The following GPR89A variants were observed in gnomAD, a reference collection of about 807,000 sequenced individuals.
GPR89A encodes G protein-coupled receptor 89A.
GPR89A carries 16 observed loss-of-function variants against 52.0 expected under a neutral mutation model. The ratio of observed to expected loss-of-function variants is 0.31; its 90% CI spans 0.21 to 0.47. GPR89A has a LOEUF of 0.47. Ranked by LOEUF, GPR89A falls within the 20% of genes least tolerant of loss-of-function variation. The probability of loss-of-function intolerance (pLI) is 1.00; values close to 1 mark genes in which losing one functional copy is unlikely to be tolerated. For missense variants in GPR89A, 135 were observed against 449.4 expected, an observed-to-expected ratio of 0.30 and a Z score of 6.33; for synonymous variants, 55 against 150.9, an observed-to-expected ratio of 0.36 and a Z score of 4.66.
intron 10 of GPR89A, among the ~76,000 whole-genome samples, chr1:145,655,231 G>A (rs1461757483): frequency 3.3e-5 from 5 of 152,074 alleles, no homozygotes; most frequent in Non-Finnish European, 2.9e-5. Flanking sequence ...TTTGCATTGG[G>A]TTAGAACATT....
At chr1:145,657,877 C>G (rs1353974600) in intron 10 of GPR89A, among the ~76,000 whole-genome samples, 1 of 149,918 alleles carries the variant, frequency 6.7e-6, no homozygotes, top group Non-Finnish European at 1.5e-5. Flanking sequence ...AATTCACATA[C>G]AATACAATAT....
At chr1:145,630,073 A>G (rs1337839664) in intron 5 of GPR89A, among the ~76,000 whole-genome samples, 1 of 151,716 alleles carries the variant, frequency 6.6e-6, no homozygotes, top group African/African-American at 2.4e-5. Context: ...TTTAACTGCT[A>G]AGTTGATTTT....
chr1:145,663,089 T>G (rs1553695889), intron 10 of GPR89A, among the ~76,000 whole-genome samples: 1 of 152,196 alleles, frequency 6.6e-6, no homozygotes, highest in Non-Finnish European at 1.5e-5. Flanking sequence ...ATGCCGTAGC[T>G]TTATTCCCAT....
At chr1:145,660,756 A>G (rs1289488376) in intron 10 of GPR89A, among the ~76,000 whole-genome samples, 1 of 151,858 alleles carries the variant, frequency 6.6e-6, no homozygotes, top group Non-Finnish European at 1.5e-5. Context: ...CCACAATGAC[A>G]TACCATCTCA....
intron 11 of GPR89A, among the ~76,000 whole-genome samples, chr1:145,664,876 T>C (rs587615948): frequency 6.6e-6 from 1 of 151,354 alleles, no homozygotes; most frequent in South Asian, 2.1e-4. Context: ...CAGATACTTT[T>C]CAGAACTGAA....
At chr1:145,626,479 G>A (rs1444191946) in intron 5 of GPR89A, among the ~76,000 whole-genome samples, 1 of 152,066 alleles carries the variant, frequency 6.6e-6, no homozygotes, top group African/African-American at 2.4e-5. Flanking sequence ...ACTCCAATAG[G>A]CATTACAGTT....
At position 145,608,053 on chromosome 1, in the gene GPR89A, G is replaced by A; in HGVS notation, c.-81G>A. 9 of 1,557,826 alleles carry A rather than the reference G, an allele frequency of 5.8e-6. No individual in the cohort carries two copies. Among genetic ancestry groups the A allele is most frequent in the Non-Finnish European group, 7.1e-6 (8 of 1,133,326 alleles). ...TGCAGCACCTGGGAGAAGGCAGACC[G>A]TGTGAGGGGGCCTGTGGCCCCAGCG... is the stretch of plus-strand genomic sequence containing the variant. On this transcript the variant is annotated 5_prime_UTR_variant, in exon 1 of 14. In the 5' UTR this introduces an upstream ATG that the reference lacks. Transcript: ENST00000313835.
At chr1:145,636,778 G>C (rs1314446117) in intron 7 of GPR89A, among the ~76,000 whole-genome samples, 1 of 152,056 alleles carries the variant, frequency 6.6e-6, no homozygotes, top group Non-Finnish European at 1.5e-5. Context: ...AAAATGAGCA[G>C]AGGCAGGTAG....
intron 10 of GPR89A, among the ~76,000 whole-genome samples, chr1:145,654,558 A>AAAAAC (rs1278406372): frequency 6.8e-6 from 1 of 146,586 alleles, no homozygotes; most frequent in Non-Finnish European, 1.5e-5. Flanking sequence ...ATCTACAAAA[A>AAAAAC]AAAAAAAAAA....
intron 10 of GPR89A, among the ~76,000 whole-genome samples, chr1:145,661,420 A>G (rs1475444730): frequency 6.6e-6 from 1 of 151,516 alleles, no homozygotes; most frequent in Non-Finnish European, 1.5e-5. Flanking sequence ...ACTAACCTGC[A>G]CAGTGTGCAC....
intron 5 of GPR89A, 116 bp downstream of exon 5, chr1:145,623,830 A>G: frequency 1.3e-6 from 1 of 780,136 alleles, no homozygotes. Context: ...GAAATAATTT[A>G]TTAATTCACA....
At chr1:145,653,312 T>A (rs1415234762) in intron 10 of GPR89A, among the ~76,000 whole-genome samples, 1 of 140,820 alleles carries the variant, frequency 7.1e-6, no homozygotes, top group Non-Finnish European at 1.5e-5. Context: ...TCTTGAGTTC[T>A]AATTTGATTG....
At chr1:145,626,042 T>C (rs1334344470) in intron 5 of GPR89A, among the ~76,000 whole-genome samples, 2 of 150,512 alleles carry the variant, frequency 1.3e-5, no homozygotes, top group Admixed American at 1.3e-4. Flanking sequence ...GATAGGAATT[T>C]AGGAAATGCT....
At chr1:145,620,938 C>G (rs1553688029) in intron 3 of GPR89A, among the ~76,000 whole-genome samples, 2 of 152,314 alleles carry the variant, frequency 1.3e-5, no homozygotes, top group African/African-American at 4.8e-5. Context: ...CACTGCTTCC[C>G]AAAATCTTTC....
intron 3 of GPR89A, among the ~76,000 whole-genome samples, chr1:145,619,743 C>T (rs587611718): frequency 2.6e-4 from 40 of 151,932 alleles, no homozygotes; most frequent in African/African-American, 9.7e-4. Context: ...TGGCCGGGCA[C>T]GGTGGCTCAC....
chr1:145,611,047 A>T (rs1648235366), intron 1 of GPR89A, among the ~76,000 whole-genome samples: 1 of 152,118 alleles, frequency 6.6e-6, no homozygotes, highest in Non-Finnish European at 1.5e-5. Flanking sequence ...TACGCCTTCC[A>T]TTTTATTTGC....
chr1:145,659,084 T>TA, intron 10 of GPR89A, among the ~76,000 whole-genome samples: 1 of 152,098 alleles, frequency 6.6e-6, no homozygotes, highest in African/African-American at 2.4e-5. Flanking sequence ...GCCTCGTGTA[T>TA]AAGTTTTTAT....
At chr1:145,624,625 A>G (rs1649369246) in intron 5 of GPR89A, among the ~76,000 whole-genome samples, 1 of 149,930 alleles carries the variant, frequency 6.7e-6, no homozygotes, top group East Asian at 1.9e-4. Context: ...GTGATTAATT[A>G]TACAGTATCA....
chr1:145,620,891 A>C (rs1246093408), intron 3 of GPR89A, among the ~76,000 whole-genome samples: 1 of 152,236 alleles, frequency 6.6e-6, no homozygotes. Flanking sequence ...TAGGCAGTCC[A>C]TACTGCCAAT....
Sources: allele counts gnomAD v4.1 joint callset (sites outside exome capture counted in the v4.1 genomes callset), GRCh38; gene constraint gnomAD v4.1.1; transcripts MANE v1.5; gene names NCBI Gene and HGNC (gene_info 2026-07-23, HGNC 2026-07-21).